The following MTUS2 variants were observed in gnomAD, a reference collection of about 807,000 sequenced individuals.
MTUS2 encodes the protein microtubule-associated tumor suppressor candidate 2.
Under a neutral mutation model 114.1 loss-of-function variants are expected in MTUS2, and 40 were observed. The observed-to-expected ratio is 0.35, with a 90% CI of 0.27 to 0.46. The LOEUF is 0.46. Among genes scored for constraint, MTUS2 ranks in the 20% least tolerant of loss-of-function variants. MTUS2 has a pLI of 1.00. For missense variants in MTUS2, 1,679 were observed against 1,705.4 expected (o/e 0.98, Z 0.27); for synonymous variants, 688 against 672.0 (o/e 1.02, Z -0.37).
chr13:29,115,345 T>A (rs1891046181), intron 5 of MTUS2, among the ~76,000 whole-genome samples: 1 of 152,216 alleles, frequency 6.6e-6, no homozygotes, highest in African/African-American at 2.4e-5. Flanking sequence ...AAAATAGCTT[T>A]CCCAACTGGA....
chr13:29,374,827 G>C (rs1871455284), intron 8 of MTUS2, among the ~76,000 whole-genome samples: 1 of 152,294 alleles, frequency 6.6e-6, no homozygotes. Context: ...TCGGGAGGCT[G>C]AGACAGGAGA....
chr13:29,324,085 G>A (rs1470297279), intron 6 of MTUS2, among the ~76,000 whole-genome samples: 1 of 152,216 alleles, frequency 6.6e-6, no homozygotes, highest in Admixed American at 6.5e-5. Flanking sequence ...AGGCTTAGCT[G>A]CAGCCAAGAG....
intron 8 of MTUS2, among the ~76,000 whole-genome samples, chr13:29,414,326 G>A (rs1485001702): frequency 5.9e-5 from 6 of 101,022 alleles, no homozygotes; most frequent in Non-Finnish European, 1.2e-4. Flanking sequence ...GAGGGGGGAG[G>A]GATAGCATTG....
At chr13:29,053,365 GCA>G (rs1229100983) in intron 4 of MTUS2, among the ~76,000 whole-genome samples, 2 of 151,948 alleles carry the variant, frequency 1.3e-5, no homozygotes, top group Admixed American at 6.6e-5. Context: ...ATCCATGTGG[GCA>G]CTAATTCATG....
chr13:29,269,564 T>C (rs1358119704), intron 5 of MTUS2, among the ~76,000 whole-genome samples: 1 of 152,108 alleles, frequency 6.6e-6, no homozygotes, highest in East Asian at 1.9e-4. Context: ...AGATAACACA[T>C]GTTGGTGAAG....
intron 5 of MTUS2, among the ~76,000 whole-genome samples, chr13:29,113,380 C>A (rs914637781): frequency 1.3e-5 from 2 of 152,176 alleles, no homozygotes; most frequent in Non-Finnish European, 2.9e-5. Context: ...AGACAGAATT[C>A]GCTACTATAG....
At chr13:29,425,835 G>A (rs902644906) in intron 8 of MTUS2, among the ~76,000 whole-genome samples, 25 of 152,194 alleles carry the variant, frequency 1.6e-4, no homozygotes, top group Admixed American at 1.6e-3. Context: ...CCCAAGAAGA[G>A]AAGCTGAAAA....
chr13:29,286,700 T>A (rs1205969098), intron 6 of MTUS2, among the ~76,000 whole-genome samples: 1 of 45,350 alleles, frequency 2.2e-5, no homozygotes, highest in Non-Finnish European at 4.2e-5. Context: ...CTATCTATCT[T>A]ACTTATTTGA....
intron 8 of MTUS2, among the ~76,000 whole-genome samples, chr13:29,402,153 C>T (rs1765311345): frequency 1.3e-5 from 2 of 152,140 alleles, no homozygotes; most frequent in South Asian, 4.1e-4. Context: ...AACTCTCTGT[C>T]TACAACTATC....
intron 6 of MTUS2, among the ~76,000 whole-genome samples, chr13:29,323,442 G>T (rs1204010507): frequency 6.6e-6 from 1 of 152,184 alleles, no homozygotes; most frequent in South Asian, 2.1e-4. Flanking sequence ...AGTAAAGACG[G>T]GGTTTCACCG....
chr13:29,453,868 G>C (rs1878918507), intron 9 of MTUS2, among the ~76,000 whole-genome samples: 1 of 152,096 alleles, frequency 6.6e-6, no homozygotes, highest in Non-Finnish European at 1.5e-5. Context: ...ATTCTTGGCA[G>C]ATTTTTTTAA....
chr13:29,029,481 C>T (rs1395637289), intron 3 of MTUS2, among the ~76,000 whole-genome samples: 4 of 152,162 alleles, frequency 2.6e-5, no homozygotes, highest in Admixed American at 6.5e-5. Context: ...CCACCTGGGC[C>T]TCTGAGGCTC....
In MTUS2 at chr13:29,504,587, A is replaced by G. The variant is rs927801568; in HGVS notation, c.*1381A>G. 6.9e-5 allele frequency: 16 copies of G among 232,908 alleles called. No individual in the cohort carries two copies. The highest frequency in any genetic ancestry group is 1.2e-3 in the Middle Eastern group (1 of 806). 14.4% of individuals were successfully genotyped at this position (232,908 alleles called of 1,614,324 possible). On this transcript the variant is annotated 3_prime_UTR_variant, in exon 16 of 16. Coordinates refer to ENST00000612955, the MANE Select transcript of MTUS2 (RefSeq NM_001033602.4). ...GTGAAACAGCCAGCCAGGGGGCACCAGCTCCTGGACTGGCATCTGTCTCTA... is the reference window on the plus strand; with the variant it reads ...GTGAAACAGCCAGCCAGGGGGCACCGGCTCCTGGACTGGCATCTGTCTCTA...
At chr13:29,260,308 A>T (rs79756209) in intron 5 of MTUS2, among the ~76,000 whole-genome samples, 11,735 of 152,278 alleles carry the variant, frequency 0.077, 618 homozygotes, top group Non-Finnish European at 0.11. Context: ...CTGAAGATTA[A>T]GGTTTTGGAC....
At chr13:28,896,834 A>G (rs1311441548) in intron 2 of MTUS2, among the ~76,000 whole-genome samples, 3 of 152,234 alleles carry the variant, frequency 2.0e-5, no homozygotes, top group African/African-American at 7.2e-5. Context: ...GGTGCTGGGA[A>G]GACTGGCTAG....
At chr13:28,859,190 T>C (rs1211804974) in intron 2 of MTUS2, among the ~76,000 whole-genome samples, 1 of 152,156 alleles carries the variant, frequency 6.6e-6, no homozygotes, top group Non-Finnish European at 1.5e-5. Flanking sequence ...CTAGTGGGGC[T>C]AGAACCAGGT....
chr13:28,877,561 A>T (rs7992387), intron 2 of MTUS2, among the ~76,000 whole-genome samples: 1 of 152,080 alleles, frequency 6.6e-6, no homozygotes, highest in Non-Finnish European at 1.5e-5. Context: ...TAGTCATGGC[A>T]TATGGTAGGA....
In MTUS2 at chr13:29,504,708, G is replaced by C. The variant is rs1051170488; in HGVS notation, c.*1502G>C. 4 of 233,210 alleles carry C rather than the reference G, an allele frequency of 1.7e-5. No homozygotes were observed. The highest frequency in any genetic ancestry group is 3.4e-5 in the Non-Finnish European group (4 of 118,104). The allele number at this position is 233,210 out of a possible 1,614,324, so 14.4% of individuals were successfully genotyped here. On this transcript the variant is annotated 3_prime_UTR_variant, in exon 16 of 16. Transcript: ENST00000612955. The stretch of plus-strand genomic sequence containing the variant: ...GGAAGAAGTAGTTTTAACAGATATG[G>C]TGATGATGATGATGCCCTTGTTTCC...
chr13:29,494,763 G>GC (rs1882414965), intron 12 of MTUS2, among the ~76,000 whole-genome samples: 1 of 152,144 alleles, frequency 6.6e-6, no homozygotes, highest in Non-Finnish European at 1.5e-5. Flanking sequence ...AGTAGGCTGG[G>GC]CACGGTGGCT....
Sources: allele counts gnomAD v4.1 joint callset (sites outside exome capture counted in the v4.1 genomes callset), GRCh38; gene constraint gnomAD v4.1.1; transcripts MANE v1.5; gene names NCBI Gene and HGNC (gene_info 2026-07-23, HGNC 2026-07-21).